RAI14: variants seen among roughly 807,000 people sequenced by gnomAD.
The protein encoded by RAI14 is ankycorbin.
Under a neutral mutation model 115.4 loss-of-function variants are expected in RAI14, and 45 were observed. The ratio of observed to expected loss-of-function variants is 0.39; its 90% CI spans 0.31 to 0.50. RAI14 has a LOEUF of 0.50. RAI14 is among the 20% of genes least tolerant of loss of function. The pLI, the probability that RAI14 is intolerant of heterozygous loss-of-function variation, is 0.85. For missense variants in RAI14, 939 were observed against 1,131.2 expected (o/e 0.83, Z 2.44); for synonymous variants, 371 against 415.4 (o/e 0.89, Z 1.30).
At chr5:34,757,709 T>C (rs1019630230) in intron 3 of RAI14, 111 bp downstream of exon 3, 37 of 1,314,058 alleles carry the variant, frequency 2.8e-5, no homozygotes, top group Non-Finnish European at 3.6e-5. Flanking sequence ...TCCACTCCCA[T>C]GTTGAAATAT....
At chr5:34,824,717 G>T (rs1003977218) in intron 15 of RAI14, among the ~76,000 whole-genome samples, 2 of 152,122 alleles carry the variant, frequency 1.3e-5, no homozygotes, top group Admixed American at 6.5e-5. Context: ...GCCGAGGTGG[G>T]TGGATCACTT....
intron 7 of RAI14, among the ~76,000 whole-genome samples, chr5:34,809,804 T>G (rs1755369774): frequency 6.6e-6 from 1 of 152,224 alleles, no homozygotes. Flanking sequence ...TTTACTACTT[T>G]CTTTCTGCAC....
rs1748060259 is a variant in RAI14, at chr5:34,757,545, G to A, written c.114G>A (p.Leu38=). ...ENGDAEKVAS[L]LGKKGASATK... Reference sequence around the variant, plus strand: ...GAGATGCGGAGAAGGTGGCCTCACTGCTCGGCAAGAAGGGGGCCAGTGCCA... The same window carrying A: ...GAGATGCGGAGAAGGTGGCCTCACTACTCGGCAAGAAGGGGGCCAGTGCCA... Residue 38 remains leucine, a synonymous_variant, in exon 3 of 18, where the codon CTG becomes CTA. Transcript: ENST00000265109. 1.2e-6 allele frequency: 2 copies of A among 1,613,798 alleles called. No homozygotes were observed. Among genetic ancestry groups the A allele is most frequent in the Non-Finnish European group, 1.7e-6 (2 of 1,180,000 alleles).
chr5:34,827,072 C>T lies in RAI14; in HGVS notation c.2799+593C>T, dbSNP rs768966082. Reference sequence around the variant, plus strand: ...GTTGTTGGCAGGGCTGGTTCCTCCTCGAGACCATAGGAGAAAATCAATTTC... The same window carrying T: ...GTTGTTGGCAGGGCTGGTTCCTCCTTGAGACCATAGGAGAAAATCAATTTC... On this transcript the variant is annotated intron_variant, in intron 16 of 17. Transcript: ENST00000265109. This position sits in a 1 kb window ranked among gnomAD's most constrained non-coding sequence, Gnocchi z 4.2. Among the ~76,000 whole-genome samples the T allele has an allele frequency of 6.6e-6, 1 of 152,190 alleles. No individual in the cohort carries two copies. Among genetic ancestry groups the T allele is most frequent in the South Asian group, 2.1e-4 (1 of 4,820 alleles).
intron 15 of RAI14, among the ~76,000 whole-genome samples, chr5:34,825,767 A>C (rs1356988975): frequency 6.6e-6 from 1 of 152,012 alleles, no homozygotes; most frequent in African/African-American, 2.4e-5. Context: ...TCCGAATAGC[A>C]TTCATGAGAG....
chr5:34,821,685 T>TAAG, intron 13 of RAI14, 47 bp from the exon 14 acceptor site: 1 of 1,096,586 alleles, frequency 9.1e-7, no homozygotes. Flanking sequence ...GTTAGAGAAA[T>TAAG]AAGAGTTTAA....
intron 3 of RAI14, among the ~76,000 whole-genome samples, chr5:34,787,939 A>G (rs1233519258): frequency 3.0e-5 from 1 of 33,136 alleles, no homozygotes; most frequent in Non-Finnish European, 6.9e-5. Flanking sequence ...TTTTTGAGAC[A>G]GGGTCTCACC....
At chr5:34,741,698 G>C (rs1745533134) in intron 2 of RAI14, among the ~76,000 whole-genome samples, 1 of 152,162 alleles carries the variant, frequency 6.6e-6, no homozygotes, top group Non-Finnish European at 1.5e-5. Flanking sequence ...CCTTGAATGG[G>C]GGCATGGAAG....
At chr5:34,748,754 G>A (rs1262981968) in intron 2 of RAI14, among the ~76,000 whole-genome samples, 1 of 151,350 alleles carries the variant, frequency 6.6e-6, no homozygotes, top group Non-Finnish European at 1.5e-5. Context: ...TTGAGCTCAG[G>A]AGTTCAAGAT....
intron 1 of RAI14, among the ~76,000 whole-genome samples, chr5:34,658,172 A>G (rs1447875519): frequency 1.3e-5 from 2 of 152,012 alleles, no homozygotes; most frequent in Non-Finnish European, 2.9e-5. Context: ...TGTGATTATA[A>G]CCCTGCTGGA....
intron 2 of RAI14, among the ~76,000 whole-genome samples, chr5:34,753,683 C>T (rs760657696): frequency 2.6e-5 from 4 of 151,956 alleles, no homozygotes; most frequent in Admixed American, 6.6e-5. Flanking sequence ...TGGGAGGCCA[C>T]GGTGGGCAGA....
chr5:34,806,830 C>A (rs139810747), intron 5 of RAI14, among the ~76,000 whole-genome samples: 1 of 152,144 alleles, frequency 6.6e-6, no homozygotes, highest in Non-Finnish European at 1.5e-5. Context: ...TCAAGCCTAG[C>A]GCTTGAAGAT....
chr5:34,708,355 A>G (rs1740983940), intron 2 of RAI14, among the ~76,000 whole-genome samples: 1 of 151,990 alleles, frequency 6.6e-6, no homozygotes, highest in Admixed American at 6.6e-5. Context: ...GGCATGCGCC[A>G]CCTCGCCCGG....
Position 34,762,961 on chromosome 5 carries a change from GTGTGTGTGTGTGTGTA to G in RAI14, c.167+5369_167+5384del, listed in dbSNP as rs1363653880. 1.6e-3 allele frequency among the ~76,000 whole-genome samples: 234 copies of G among 150,668 alleles called. 1 individual carries two copies. The highest frequency in any genetic ancestry group is 5.6e-3 in the African/African-American group (225 of 40,400). On this transcript the variant is annotated intron_variant, in intron 3 of 17. Coordinates refer to ENST00000265109, the MANE Select transcript of RAI14 (RefSeq NM_015577.3). The stretch of plus-strand genomic sequence containing the variant: ...TGTGTGTGTGTGTGTGTGTGTGTGT[GTGTGTGTGTGTGTGTA>G]TGTGTCTGTATCATTTTATGTTGCC...
intron 3 of RAI14, among the ~76,000 whole-genome samples, chr5:34,783,587 G>A (rs1176881577): frequency 1.3e-5 from 2 of 152,176 alleles, no homozygotes; most frequent in Non-Finnish European, 1.5e-5. Context: ...CTGTTCAGCT[G>A]CTGACAGCAT....
chr5:34,750,847 C>CTTTTTTTTTTTTT (rs1561309335), intron 2 of RAI14, among the ~76,000 whole-genome samples: 2 of 62,454 alleles, frequency 3.2e-5, no homozygotes, highest in African/African-American at 1.5e-4. Context: ...TTTGCTTTAT[C>CTTTTTTTTTTTTT]ATTTTTTTTT....
At chr5:34,755,259 A>G (rs1747733365) in intron 2 of RAI14, among the ~76,000 whole-genome samples, 1 of 152,176 alleles carries the variant, frequency 6.6e-6, no homozygotes, top group South Asian at 2.1e-4. Context: ...TCCCTTCAAC[A>G]GGAAGCTTGA....
At chr5:34,740,352 T>C (rs1745353660) in intron 2 of RAI14, among the ~76,000 whole-genome samples, 1 of 152,210 alleles carries the variant, frequency 6.6e-6, no homozygotes, top group African/African-American at 2.4e-5. Context: ...CCAGTATTAC[T>C]TGAGTCGAAT....
chr5:34,735,937 G>A (rs183703837), intron 2 of RAI14, among the ~76,000 whole-genome samples: 221 of 152,308 alleles, frequency 1.5e-3, no homozygotes, highest in African/African-American at 4.8e-3. Context: ...TGCAGAATAC[G>A]TGATACAAGT....
Sources: gnomAD v4.1 joint callset for allele counts (sites outside exome capture counted in the v4.1 genomes callset) on GRCh38, gnomAD v4.1.1 for gene constraint, Gnocchi (gnomAD v3.1) non-coding constraint, MANE v1.5 for transcripts, NCBI Gene and HGNC (gene_info 2026-07-23, HGNC 2026-07-21) for gene names.